The following VPS41 variants were observed in gnomAD, a reference collection of about 807,000 sequenced individuals.
The protein encoded by VPS41 is vacuolar protein sorting-associated protein 41 homolog.
Under a neutral mutation model 130.9 loss-of-function variants are expected in VPS41, and 85 were observed. That is an observed-to-expected ratio of 0.65 (90% CI 0.55 to 0.78). VPS41 has a LOEUF of 0.78. Ranked by LOEUF, VPS41 falls within the 30% of genes least tolerant of loss-of-function variation. The probability of loss-of-function intolerance (pLI) is 0.00; values close to 1 mark genes in which losing one functional copy is unlikely to be tolerated. For missense variants in VPS41, 874 were observed against 1,018.7 expected (o/e 0.86, Z 1.93); for synonymous variants, 335 against 332.9 (o/e 1.01, Z -0.07).
At chr7:38,768,811 T>C (rs376950468) in intron 14 of VPS41, among the ~76,000 whole-genome samples, 2 of 152,102 alleles carry the variant, frequency 1.3e-5, no homozygotes, top group Non-Finnish European at 2.9e-5. Flanking sequence ...CCTCTTCCTT[T>C]TATATCAACC....
chr7:38,768,180 G>A (rs1041382721), intron 14 of VPS41, among the ~76,000 whole-genome samples: 59 of 152,286 alleles, frequency 3.9e-4, no homozygotes, highest in African/African-American at 1.3e-3. Flanking sequence ...ATGTTTATTC[G>A]CTTATTCTAC....
rs373375700 is a variant in VPS41 at position 38,723,278 on chromosome 7, C to A, written c.*2968G>T. ...AACTATATATAGCTTTACATTGTAACAACAGCAAAATGAACTACAAATCTG... is the reference window on the plus strand; with the variant it reads ...AACTATATATAGCTTTACATTGTAAAAACAGCAAAATGAACTACAAATCTG... On this transcript the variant is annotated 3_prime_UTR_variant, in exon 29 of 29. Transcript: ENST00000310301. 2 of 152,150 alleles carry A rather than the reference C, an allele frequency of 1.3e-5. No homozygotes were observed. The highest frequency in any genetic ancestry group is 4.8e-5 in the African/African-American group (2 of 41,438). The allele number at this position is 152,150 out of a possible 1,614,324, so 9.4% of individuals were successfully genotyped here.
rs575334985 is a variant in VPS41 at position 38,800,252 on chromosome 7, T to C, written c.451-3388A>G. On this transcript the variant is annotated intron_variant, in intron 7 of 28. Transcript: ENST00000310301. ...TAACAGAAAAAGCTATGAGGGCATA[T>C]TAAATAAAAAAGCAGATGACAAAAT... Among the ~76,000 whole-genome samples, 7 of 152,288 alleles carry C rather than the reference T, an allele frequency of 4.6e-5. No individual in the cohort carries two copies. The South Asian group carries it at 8.3e-4, about 18-fold the overall frequency.
chr7:38,895,156 T>C (rs778876030), intron 2 of VPS41, among the ~76,000 whole-genome samples: 2 of 152,062 alleles, frequency 1.3e-5, no homozygotes, highest in Admixed American at 6.6e-5. Context: ...ACCCCATCTC[T>C]ACTAAAAACA....
intron 2 of VPS41, among the ~76,000 whole-genome samples, chr7:38,872,299 A>C (rs1182553468): frequency 6.6e-6 from 1 of 152,238 alleles, no homozygotes; most frequent in Non-Finnish European, 1.5e-5. Flanking sequence ...AAGAGGAAAC[A>C]AAGTGGAAGC....
chr7:38,726,284 G>C lies in VPS41; in HGVS notation c.2527C>G (p.Arg843Gly), dbSNP rs768962848. The change falls in exon 29 of 29, where the codon CGT (arginine) becomes GGT (glycine). Residue 843 changes from arginine (R) to glycine (G), a missense_variant. Arg to Gly is a moderately radical substitution (Grantham distance 125). Transcript: ENST00000310301. ...TCCAAAATTGCACTTCCTGGTCCAC[G>C]GTTCTTAGCACTGCAGATGTTGCAG... ...QFCNICSAKN[R>G]GPGSAILEMK... is the part of the protein sequence containing the mutation. 1.4e-5 allele frequency: 23 copies of C among 1,613,742 alleles called. No individual in the cohort carries two copies. Among genetic ancestry groups the C allele is most frequent in the Non-Finnish European group, 7.6e-6 (9 of 1,179,846 alleles).
intron 2 of VPS41, among the ~76,000 whole-genome samples, chr7:38,883,175 A>G (rs11983390): frequency 0.63 from 95,806 of 152,172 alleles, 31,544 homozygotes; most frequent in East Asian, 0.89. Flanking sequence ...CCTGGGAGGC[A>G]GAGGTTGCAG....
At chr7:38,795,140 C>A (rs1784595490) in intron 9 of VPS41, among the ~76,000 whole-genome samples, 1 of 151,046 alleles carries the variant, frequency 6.6e-6, no homozygotes, top group Non-Finnish European at 1.5e-5. Context: ...GAGAAGAAAA[C>A]CTGACTAAAC....
At chr7:38,742,776 A>AG (rs11395327) in intron 24 of VPS41, among the ~76,000 whole-genome samples, 1 of 151,338 alleles carries the variant, frequency 6.6e-6, no homozygotes, top group Non-Finnish European at 1.5e-5. Context: ...AAAAAAAAAA[A>AG]GGAAAGAGGA....
intron 1 of VPS41, among the ~76,000 whole-genome samples, chr7:38,901,620 T>C (rs1787147976): frequency 6.6e-6 from 1 of 152,176 alleles, no homozygotes; most frequent in Non-Finnish European, 1.5e-5. Context: ...CTGCCCCCAT[T>C]AGATCTCCCA....
chr7:38,821,063 T>G, intron 6 of VPS41, 140 bp downstream of exon 6: 2 of 641,372 alleles, frequency 3.1e-6, no homozygotes, highest in Non-Finnish European at 5.5e-6. Flanking sequence ...AGCATCTAAA[T>G]AGTATCCAGT....
At chr7:38,742,182 C>T in intron 24 of VPS41, 61 bp from the exon 25 acceptor site, 1 of 1,472,916 alleles carries the variant, frequency 6.8e-7, no homozygotes, top group Non-Finnish European at 9.1e-7. Context: ...ATTTTATTTG[C>T]ACATAATTTG....
chr7:38,869,023 A>ACAGGGCCTGATCCCAACCCGCTGCC, intron 3 of VPS41, 123 bp downstream of exon 3: 1 of 685,172 alleles, frequency 1.5e-6, no homozygotes, highest in Non-Finnish European at 2.5e-6. Context: ...GGAGGAAGAG[A>ACAGGGCCTGATCCCAACCCGCTGCC]GCAGTGGCAA....
chr7:38,758,301 A>G, intron 18 of VPS41, 53 bp downstream of exon 18: 1 of 1,533,748 alleles, frequency 6.5e-7, no homozygotes, highest in Non-Finnish European at 8.8e-7. Context: ...TAAAGTATGA[A>G]AAACTTTTCA....
intron 12 of VPS41, among the ~76,000 whole-genome samples, 155 bp downstream of exon 12, chr7:38,773,960 C>A (rs1784203900): frequency 6.6e-6 from 1 of 152,174 alleles, no homozygotes; most frequent in African/African-American, 2.4e-5. Context: ...AACATCTCTG[C>A]ATCCAAATGT....
chr7:38,895,921 G>T (rs570225001), intron 2 of VPS41, among the ~76,000 whole-genome samples: 1 of 152,038 alleles, frequency 6.6e-6, no homozygotes, highest in Admixed American at 6.6e-5. Context: ...ATTCTGCCTC[G>T]GCTGGGTCTC....
chr7:38,723,260 T>C lies in VPS41; in HGVS notation c.*2986A>G, dbSNP rs34997080. 0.086 allele frequency: 13,116 copies of C among 152,218 alleles called. 641 individuals carry two copies. The highest frequency in any genetic ancestry group is 0.13 in the South Asian group (633 of 4,818). 9.4% of individuals were successfully genotyped at this position (152,218 alleles called of 1,614,324 possible). A position where few individuals can be genotyped will look rare whatever the true frequency, so the allele number is the denominator to read the frequency against. On this transcript the variant is annotated 3_prime_UTR_variant, in exon 29 of 29. Transcript: ENST00000310301. ...CTGTGTTGTTCAAGGGTCAACTATA[T>C]ATAGCTTTACATTGTAACAACAGCA...
intron 5 of VPS41, among the ~76,000 whole-genome samples, chr7:38,826,759 C>T (rs1045775854): frequency 6.6e-6 from 1 of 152,126 alleles, no homozygotes; most frequent in Non-Finnish European, 1.5e-5. Flanking sequence ...CTAGACAACA[C>T]CCATCTGACA....
At chr7:38,736,764 C>T (rs760144131) in intron 25 of VPS41, among the ~76,000 whole-genome samples, 3 of 152,222 alleles carry the variant, frequency 2.0e-5, no homozygotes, top group Non-Finnish European at 2.9e-5. Context: ...GGATGAGAAT[C>T]ATAATTGTAA....
Sources: gnomAD v4.1 joint callset for allele counts (sites outside exome capture counted in the v4.1 genomes callset) on GRCh38, gnomAD v4.1.1 for gene constraint, MANE v1.5 for transcripts, NCBI Gene and HGNC (gene_info 2026-07-23, HGNC 2026-07-21) for gene names.